CTNNA3: variants seen among roughly 807,000 people sequenced by gnomAD.
The protein encoded by CTNNA3 is catenin alpha-3.
CTNNA3 carries 76 observed loss-of-function variants against 95.7 expected under a neutral mutation model. The ratio of observed to expected loss-of-function variants is 0.79; its 90% CI spans 0.66 to 0.96. The LOEUF is 0.96. CTNNA3 is among the 40% of genes least tolerant of loss of function. The probability of loss-of-function intolerance (pLI) is 0.00; values close to 1 mark genes in which losing one functional copy is unlikely to be tolerated. For missense variants in CTNNA3, 1,191 were observed against 1,089.8 expected (o/e 1.09, Z -1.31); for synonymous variants, 431 against 374.4 (o/e 1.15, Z -1.74).
chr10:66,567,932 A>G (rs1410758505), intron 10 of CTNNA3, among the ~76,000 whole-genome samples: 1 of 152,210 alleles, frequency 6.6e-6, no homozygotes, highest in Non-Finnish European at 1.5e-5. Context: ...TGAAAATGTT[A>G]TAACTGACAC....
At chr10:67,483,935 C>T (rs1271461019) in intron 5 of CTNNA3, among the ~76,000 whole-genome samples, 1 of 152,074 alleles carries the variant, frequency 6.6e-6, no homozygotes, top group Non-Finnish European at 1.5e-5. Flanking sequence ...ATATTCCTAT[C>T]AAACTGCCAA....
chr10:65,949,188 C>T (rs1362179324), intron 17 of CTNNA3, among the ~76,000 whole-genome samples: 1 of 151,986 alleles, frequency 6.6e-6, no homozygotes, highest in East Asian at 1.9e-4. Flanking sequence ...TCAGAGCAGG[C>T]AAAATGAGAA....
At chr10:66,435,251 A>T (rs1416580735) in intron 11 of CTNNA3, among the ~76,000 whole-genome samples, 1 of 152,144 alleles carries the variant, frequency 6.6e-6, no homozygotes, top group East Asian at 1.9e-4. Context: ...CTCTGATAGA[A>T]TTTGGCTGTG....
At chr10:67,741,098 G>T (rs1437954034) in intron 1 of CTNNA3, among the ~76,000 whole-genome samples, 1 of 150,912 alleles carries the variant, frequency 6.6e-6, no homozygotes, top group African/African-American at 2.4e-5. Context: ...TCATAGGTGG[G>T]AACTGAACAA....
rs181550099 is a variant in CTNNA3, at chr10:66,107,733, T to A, written c.1885-4484A>T. On this transcript the variant is annotated intron_variant, in intron 13 of 17. Transcript: ENST00000433211. ...AGGTGGCATTATTACAATTAAAAAT[T>A]CACTTGCGCAGACTTTATAAATATT... Among the ~76,000 whole-genome samples the A allele has an allele frequency of 1.3e-3, 205 of 152,050 alleles. 4 individuals carry two copies. Among genetic ancestry groups the A allele is most frequent in the Admixed American group, 0.013 (203 of 15,254 alleles).
chr10:67,575,929 A>C (rs1429818162), intron 3 of CTNNA3, among the ~76,000 whole-genome samples: 2 of 152,140 alleles, frequency 1.3e-5, no homozygotes. Flanking sequence ...AAAAGGACTG[A>C]TACACCCAGT....
At chr10:67,719,034 G>T (rs989649834) in intron 1 of CTNNA3, among the ~76,000 whole-genome samples, 1 of 152,128 alleles carries the variant, frequency 6.6e-6, no homozygotes, top group African/African-American at 2.4e-5. Flanking sequence ...AGTCTTGGGA[G>T]GGTGTATGTG....
intron 9 of CTNNA3, among the ~76,000 whole-genome samples, chr10:66,685,285 G>GTA (rs1554835151): frequency 0.53 from 31,576 of 59,302 alleles, 7,174 homozygotes; most frequent in East Asian, 0.77. Flanking sequence ...GTATATATAA[G>GTA]TATATATATG....
At chr10:66,662,243 T>A (rs1846289204) in intron 9 of CTNNA3, among the ~76,000 whole-genome samples, 1 of 152,204 alleles carries the variant, frequency 6.6e-6, no homozygotes, top group Non-Finnish European at 1.5e-5. Flanking sequence ...GAGACATTGG[T>A]ATCCTTAACA....
At chr10:66,158,934 T>G (rs7909255) in intron 13 of CTNNA3, among the ~76,000 whole-genome samples, 7,276 of 152,102 alleles carry the variant, frequency 0.048, 218 homozygotes, top group African/African-American at 0.067. Flanking sequence ...TAAAAGGGGT[T>G]GAGTTCTTGA....
chr10:67,145,961 AAAAAATT>A (rs1860824000), intron 7 of CTNNA3, among the ~76,000 whole-genome samples: 1 of 152,086 alleles, frequency 6.6e-6, no homozygotes, highest in Non-Finnish European at 1.5e-5. Context: ...TTGCTAGGAG[AAAAAATT>A]TCTTCCTTGG....
intron 14 of CTNNA3, among the ~76,000 whole-genome samples, chr10:66,077,161 A>G (rs1388090333): frequency 6.6e-6 from 1 of 151,774 alleles, no homozygotes; most frequent in Non-Finnish European, 1.5e-5. Context: ...ATTTAGATAT[A>G]AAATGCTATG....
At chr10:66,444,304 G>A (rs11497938) in intron 11 of CTNNA3, among the ~76,000 whole-genome samples, 57,901 of 151,662 alleles carry the variant, frequency 0.38, 11,615 homozygotes, top group African/African-American at 0.5. Context: ...CCAACATTCA[G>A]ATTCAGGAAA....
chr10:67,688,926 C>A (rs1840788362), intron 1 of CTNNA3, among the ~76,000 whole-genome samples: 1 of 152,196 alleles, frequency 6.6e-6, no homozygotes, highest in Non-Finnish European at 1.5e-5. Flanking sequence ...TAGTTTTCCT[C>A]TTAGACCAAA....
intron 9 of CTNNA3, among the ~76,000 whole-genome samples, chr10:66,685,346 TATATA>T (rs1320856668): frequency 1.3e-4 from 9 of 68,258 alleles, no homozygotes; most frequent in African/African-American, 6.9e-4. Context: ...TATATATATA[TATATA>T]TTTTTTTTTT....
At chr10:67,465,277 CA>C (rs780749827) in intron 5 of CTNNA3, among the ~76,000 whole-genome samples, 166 of 152,112 alleles carry the variant, frequency 1.1e-3, no homozygotes, top group Non-Finnish European at 2.1e-3. Context: ...AGTCTAACAA[CA>C]AAACCATTTT....
intron 7 of CTNNA3, among the ~76,000 whole-genome samples, chr10:67,161,345 T>A (rs903008498): frequency 1.1e-4 from 17 of 151,748 alleles, no homozygotes; most frequent in Admixed American, 5.9e-4. Flanking sequence ...TAAAACAGTC[T>A]TACGTGTTTC....
At chr10:66,344,209 A>G in intron 12 of CTNNA3, among the ~76,000 whole-genome samples, 1 of 116,974 alleles carries the variant, frequency 8.5e-6, no homozygotes, top group Non-Finnish European at 1.8e-5. Context: ...CCTGGGGGAC[A>G]GGGCGAGACT....
chr10:67,228,415 C>A (rs1016048565), intron 5 of CTNNA3, among the ~76,000 whole-genome samples: 2 of 152,030 alleles, frequency 1.3e-5, no homozygotes, highest in Non-Finnish European at 2.9e-5. Context: ...GAGTTTGAGA[C>A]CAGTTTGGCC....
Sources: gnomAD v4.1 joint callset for allele counts (sites outside exome capture counted in the v4.1 genomes callset) on GRCh38, gnomAD v4.1.1 for gene constraint, MANE v1.5 for transcripts, NCBI Gene and HGNC (gene_info 2026-07-23, HGNC 2026-07-21) for gene names.